COL16A1: variants seen among roughly 807,000 people sequenced by gnomAD.
COL16A1 encodes the protein collagen type XVI alpha 1 chain.
Under a neutral mutation model 266.3 loss-of-function variants are expected in COL16A1, and 189 were observed. The ratio of observed to expected loss-of-function variants is 0.71; its 90% confidence interval spans 0.63 to 0.80. The LOEUF (loss-of-function observed/expected upper bound fraction) is 0.80. Ranked by LOEUF, COL16A1 falls within the 30% of genes least tolerant of loss-of-function variation. The pLI is 0.00. For missense variants in COL16A1, 1,928 were observed against 2,122.4 expected (o/e 0.91, Z 1.80); for synonymous variants, 740 against 782.3 (o/e 0.95, Z 0.90).
intron 2 of COL16A1, among the ~76,000 whole-genome samples, 199 bp from the exon 3 acceptor site, chr1:31,700,314 A>G (rs1557702484): frequency 6.6e-6 from 1 of 152,194 alleles, no homozygotes; most frequent in Non-Finnish European, 1.5e-5. Context: ...ACAGTTTGGA[A>G]GACTGAGGTC....
chr1:31,686,467 TTTC>T, intron 26 of COL16A1, 188 bp from the exon 27 acceptor site: 1 of 787,784 alleles, frequency 1.3e-6, no homozygotes, highest in Non-Finnish European at 2.2e-6. Flanking sequence ...AGAAGCCCTA[TTTC>T]TGCCCCCAGC....
chr1:31,675,327 G>A lies in COL16A1; in HGVS notation c.2773-16C>T. On this transcript the variant is annotated splice_polypyrimidine_tract_variant and intron_variant, in intron 42 of 70. Coordinates refer to ENST00000373672, the MANE Select transcript of COL16A1 (RefSeq NM_001856.4). ...CAGGCACTCCCTGTAGCCAAGAAGA[G>A]ACACGAGTGAGTGGGCTCCATCTCT... The A allele has an allele frequency of 6.2e-7, 1 of 1,612,872 alleles. No homozygotes were observed. Among genetic ancestry groups the A allele is most frequent in the Non-Finnish European group, 8.5e-7 (1 of 1,179,574 alleles).
intron 38 of COL16A1, 40 bp from the exon 39 acceptor site, chr1:31,680,971 G>A (rs2148755045): frequency 6.2e-7 from 1 of 1,614,076 alleles, no homozygotes; most frequent in Middle Eastern, 1.6e-4. Flanking sequence ...AGATAGGGGT[G>A]CCGAGGCAGG....
At chr1:31,684,081 G>A (rs2148770534) in intron 32 of COL16A1, 28 bp downstream of exon 32, 1 of 1,609,014 alleles carries the variant, frequency 6.2e-7, no homozygotes, top group East Asian at 2.2e-5. Flanking sequence ...AGCCCAGGCA[G>A]GGAAGGGCCG....
At chr1:31,660,527 A>G in intron 62 of COL16A1, 58 bp downstream of exon 62, 1 of 1,602,452 alleles carries the variant, frequency 6.2e-7, no homozygotes, top group Non-Finnish European at 8.5e-7. Flanking sequence ...TGCACCACCA[A>G]CCACCCCGCC....
intron 61 of COL16A1, 122 bp from the exon 62 acceptor site, chr1:31,660,760 C>A: frequency 7.1e-7 from 1 of 1,402,222 alleles, no homozygotes; most frequent in Non-Finnish European, 9.7e-7. Context: ...GGAGCTGGGC[C>A]AATTCCCAGC....
chr1:31,689,382 G>T, intron 23 of COL16A1: 1 of 583,830 alleles, frequency 1.7e-6, no homozygotes, highest in Admixed American at 3.1e-5. Flanking sequence ...GTCTGTGAGA[G>T]AGGGGGCTAA....
chr1:31,695,506 C>T (rs570521891), intron 10 of COL16A1, among the ~76,000 whole-genome samples: 36 of 152,086 alleles, frequency 2.4e-4, no homozygotes, highest in Admixed American at 5.2e-4. Context: ...CCAAGGGCAC[C>T]GTGGCTGAAG....
In COL16A1 at chr1:31,698,677, A is replaced by G; in HGVS notation, c.267-71T>C. On this transcript the variant is annotated intron_variant, in intron 4 of 70. Coordinates refer to ENST00000373672, the MANE Select transcript of COL16A1 (RefSeq NM_001856.4). This position sits in a 1 kb window ranked among gnomAD's most constrained non-coding sequence, Gnocchi z 4.1. Reference sequence around the variant, plus strand: ...CAAATGCTGCCCACCCTGAGCCCTCAGGACTGCTGAGCCTACCCAAGACAT... The same window carrying G: ...CAAATGCTGCCCACCCTGAGCCCTCGGGACTGCTGAGCCTACCCAAGACAT... 8 of 1,582,072 alleles carry G rather than the reference A, an allele frequency of 5.1e-6. No homozygotes were observed. The highest frequency in any genetic ancestry group is 5.1e-6 in the Non-Finnish European group (6 of 1,167,728).
chr1:31,658,626 T>TG, intron 63 of COL16A1, 49 bp from the exon 64 acceptor site: 1 of 1,489,426 alleles, frequency 6.7e-7, no homozygotes, highest in Non-Finnish European at 9.2e-7. Context: ...GCAGGCAAAG[T>TG]GGACTCCCAT....
Position 31,685,596 on chromosome 1 carries a change from C to A in COL16A1, c.2016+43G>T, listed in dbSNP as rs1297743562. On this transcript the variant is annotated intron_variant, in intron 29 of 70. Transcript: ENST00000373672. This position sits in a 1 kb window ranked among gnomAD's most constrained non-coding sequence, Gnocchi z 4.0. ...ACCCCTCCCCTCTCCTTAGCCCCGCCTGCATCCCCCGTCCAGAGGCCCCTG... is the reference window on the plus strand; with the variant it reads ...ACCCCTCCCCTCTCCTTAGCCCCGCATGCATCCCCCGTCCAGAGGCCCCTG... 6.3e-7 allele frequency: 1 copy of A among 1,599,212 alleles called. No individual in the cohort carries two copies. Among genetic ancestry groups the A allele is most frequent in the Non-Finnish European group, 8.5e-7 (1 of 1,170,182 alleles).
chr1:31,697,209 G>A lies in COL16A1; in HGVS notation c.738+11C>T, dbSNP rs41263973. The A allele has an allele frequency of 0.029, 47,052 of 1,613,074 alleles. 798 individuals are homozygous for A. The highest frequency in any genetic ancestry group is 0.033 in the Non-Finnish European group (39,106 of 1,179,584). ...TGTGTCCCTGGGCAGCCCAAGGGCC[G>A]GGCCACTCACCCCTGCTGGTAAAAT... On this transcript the variant is annotated intron_variant, in intron 7 of 70. Coordinates refer to ENST00000373672, the MANE Select transcript of COL16A1 (RefSeq NM_001856.4). This position sits in a 1 kb window ranked among gnomAD's most constrained non-coding sequence, Gnocchi z 4.2.
Position 31,665,623 on chromosome 1 carries a change from G to A in COL16A1, c.3457-5C>T, listed in dbSNP as rs777317816. 6.2e-7 allele frequency: 1 copy of A among 1,613,624 alleles called. No homozygotes were observed. Among genetic ancestry groups the A allele is most frequent in the East Asian group, 2.2e-5 (1 of 44,866 alleles). On this transcript the variant is annotated splice_region_variant and splice_polypyrimidine_tract_variant and intron_variant, in intron 54 of 70. Transcript: ENST00000373672. ...GCCTGGCTGGCCTTGAAATCCCTAG[G>A]GTGAGAAGCAAGGGGCAGTGTGCTG...
Position 31,656,360 on chromosome 1 carries a change from C to A in COL16A1, c.4101+40G>T, listed in dbSNP as rs1436933696. 2 of 1,610,704 alleles carry A rather than the reference C, an allele frequency of 1.2e-6. No homozygotes were observed. Among genetic ancestry groups the A allele is most frequent in the South Asian group, 1.1e-5 (1 of 90,034 alleles). ...AACTTGCAGCTGGGCTTCATCCACT[C>A]GTGAGCTTCTCCTCTCAAGCCCAGC... On this transcript the variant is annotated intron_variant, in intron 66 of 70. Transcript: ENST00000373672. This position sits in a 1 kb window ranked among gnomAD's most constrained non-coding sequence, Gnocchi z 4.2.
chr1:31,683,231 C>T lies in COL16A1; in HGVS notation c.2432G>A (p.Arg811Gln), dbSNP rs1269145053. The T allele has an allele frequency of 3.7e-6, 6 of 1,614,150 alleles. No homozygotes were observed. The highest frequency in any genetic ancestry group is 3.3e-4 in the Middle Eastern group (2 of 6,062). The change falls in exon 36 of 71, where the codon CGG (arginine) becomes CAG (glutamine). Residue 811 changes from arginine to glutamine, a missense_variant. This residue lies in a region of COL16A1 where 1,552 missense variants were observed against 1,637.2 expected (regional missense o/e 0.95). Transcript: ENST00000373672. ...LPGIQGLPGP[R>Q]GPPGPTGEKG... ...CTCTCCAGTGGGGCCAGGTGGTCCC[C>T]GAGGTCCCGGAAGTCCCTGCAGATG...
chr1:31,702,312 G>T, intron 1 of COL16A1, 85 bp from the exon 2 acceptor site: 1 of 1,411,544 alleles, frequency 7.1e-7, no homozygotes, highest in Non-Finnish European at 9.8e-7. Flanking sequence ...ACAGCCTGTG[G>T]GGCCCAGGCA....
At position 31,652,877 on chromosome 1, in the gene COL16A1, G is replaced by A; in HGVS notation, c.4613-24C>T. ...ACCTAGGGAGGGAAGGGCCACAGAG[G>A]GAAAATCAGAAGACCCAGATCATAA... On this transcript the variant is annotated intron_variant, in intron 70 of 70. Transcript: ENST00000373672. The surrounding 1 kb of genome is among the most constrained non-coding windows in gnomAD (Gnocchi z 4.8). 3 of 1,460,244 alleles carry A rather than the reference G, an allele frequency of 2.1e-6. No individual in the cohort carries two copies. Among genetic ancestry groups the A allele is most frequent in the East Asian group, 2.5e-5 (1 of 40,430 alleles). 90.5% of individuals were successfully genotyped at this position (1,460,244 alleles called of 1,614,324 possible).
chr1:31,689,265 G>T, intron 23 of COL16A1, 180 bp from the exon 24 acceptor site: 1 of 1,001,812 alleles, frequency 1.0e-6, no homozygotes, highest in Non-Finnish European at 1.4e-6. Context: ...ACAAGCAGGA[G>T]CGTGGCGGGG....
Position 31,656,769 on chromosome 1 carries a change from T to C in COL16A1, c.4056+264A>G, listed in dbSNP as rs552033757. 1.1e-4 allele frequency: 60 copies of C among 564,444 alleles called. No homozygotes were observed. Among genetic ancestry groups the C allele is most frequent in the African/African-American group, 8.9e-4 (47 of 52,874 alleles). 35.0% of individuals were successfully genotyped at this position (564,444 alleles called of 1,614,324 possible). A position where few individuals can be genotyped will look rare whatever the true frequency, so the allele number is the denominator to read the frequency against. On this transcript the variant is annotated intron_variant, in intron 65 of 70. Coordinates refer to ENST00000373672, the MANE Select transcript of COL16A1 (RefSeq NM_001856.4). This position sits in a 1 kb window ranked among gnomAD's most constrained non-coding sequence, Gnocchi z 4.2. Reference sequence around the variant, plus strand: ...CAGGAGATGTTTGTTTGGAATTTATTATTATCATTATTATTGTTGTTGTTG... The same window carrying C: ...CAGGAGATGTTTGTTTGGAATTTATCATTATCATTATTATTGTTGTTGTTG...
Sources: allele counts gnomAD v4.1 joint callset (sites outside exome capture counted in the v4.1 genomes callset), GRCh38; gene constraint gnomAD v4.1.1; regional missense constraint gnomAD v4.1.1; non-coding constraint Gnocchi (gnomAD v3.1); transcripts MANE v1.5; gene names NCBI Gene and HGNC (gene_info 2026-07-23, HGNC 2026-07-21).